PTPRD: variants seen among roughly 807,000 people sequenced by gnomAD.
The protein encoded by PTPRD is protein tyrosine phosphatase receptor type D.
PTPRD carries 34 observed loss-of-function variants against 214.5 expected under a neutral mutation model. The ratio of observed to expected loss-of-function variants is 0.16; its 90% CI spans 0.12 to 0.21. The LOEUF is 0.21. PTPRD is among the 10% of genes least tolerant of loss of function. PTPRD has a pLI of 1.00. For synonymous variants in PTPRD, 1,128 were observed against 845.7 expected, an observed-to-expected ratio of 1.33 and a Z score of -5.79; for missense variants, 2,545 against 2,398.7, an observed-to-expected ratio of 1.06 and a Z score of -1.27.
intron 9 of PTPRD, among the ~76,000 whole-genome samples, chr9:9,230,965 A>C (rs1569564898): frequency 6.6e-6 from 1 of 152,136 alleles, no homozygotes. Context: ...GAATACTTCA[A>C]ATAGCCAATC....
chr9:9,126,044 G>A (rs1032019214), intron 10 of PTPRD, among the ~76,000 whole-genome samples: 14 of 152,150 alleles, frequency 9.2e-5, no homozygotes, highest in African/African-American at 3.4e-4. Flanking sequence ...TGCCAACCAG[G>A]GAAGAATAGT....
chr9:9,821,143 T>C (rs1332840462), intron 5 of PTPRD, among the ~76,000 whole-genome samples: 1 of 152,164 alleles, frequency 6.6e-6, no homozygotes, highest in African/African-American at 2.4e-5. Context: ...ATCTATGTTT[T>C]CTGTTAAGTA....
At chr9:9,461,253 T>C (rs1454260847) in intron 8 of PTPRD, among the ~76,000 whole-genome samples, 1 of 151,994 alleles carries the variant, frequency 6.6e-6, no homozygotes, top group Non-Finnish European at 1.5e-5. Flanking sequence ...ATATGTTCAC[T>C]AGAAGCCCAA....
rs1200768525 is a variant in PTPRD, at chr9:9,634,939, C to T, written c.-286-60158G>A. Among the ~76,000 whole-genome samples the T allele has an allele frequency of 3.9e-5, 6 of 152,128 alleles. No homozygotes were observed. The South Asian group carries it at 1.2e-3, about 32-fold the overall frequency. On this transcript the variant is annotated intron_variant, in intron 7 of 45. Transcript: ENST00000381196. ...AGAGAGGTAAGTCATATGTGTAAAG[C>T]TGTAGGAGGCAAAGAAAAGATTTAA...
At chr9:10,430,806 G>A (rs1298242706) in intron 2 of PTPRD, among the ~76,000 whole-genome samples, 6 of 151,878 alleles carry the variant, frequency 4.0e-5, no homozygotes, top group African/African-American at 1.5e-4. Context: ...GGAGGCAATA[G>A]ACCTGTCTTC....
At chr9:9,973,188 C>G (rs1429488033) in intron 4 of PTPRD, among the ~76,000 whole-genome samples, 1 of 151,438 alleles carries the variant, frequency 6.6e-6, no homozygotes, top group Non-Finnish European at 1.5e-5. Flanking sequence ...TGTGGCTGGG[C>G]GCAGTGGCTC....
chr9:9,111,966 T>C (rs993551493), intron 10 of PTPRD, among the ~76,000 whole-genome samples: 1 of 152,012 alleles, frequency 6.6e-6, no homozygotes, highest in African/African-American at 2.4e-5. Context: ...GGTGCAAAAA[T>C]GGGGGTCCAG....
chr9:9,289,416 C>A (rs776003087), intron 9 of PTPRD, among the ~76,000 whole-genome samples: 1 of 151,862 alleles, frequency 6.6e-6, no homozygotes, highest in Non-Finnish European at 1.5e-5. Flanking sequence ...TATACTTAGA[C>A]ATTCTGTCAT....
chr9:10,412,202 A>T (rs1303354919), intron 2 of PTPRD, among the ~76,000 whole-genome samples: 1 of 151,810 alleles, frequency 6.6e-6, no homozygotes, highest in South Asian at 2.1e-4. Flanking sequence ...AGAAGATCCA[A>T]ATAACATAAT....
intron 10 of PTPRD, among the ~76,000 whole-genome samples, chr9:9,032,703 G>C (rs1208593542): frequency 1.3e-5 from 2 of 152,046 alleles, no homozygotes; most frequent in African/African-American, 4.8e-5. Flanking sequence ...GTTCAGACAA[G>C]GTTTGCATCC....
intron 14 of PTPRD, among the ~76,000 whole-genome samples, chr9:8,585,415 T>A (rs1487929824): frequency 6.6e-6 from 1 of 152,212 alleles, no homozygotes; most frequent in East Asian, 1.9e-4. Flanking sequence ...AGTCACTACT[T>A]TGTTTTTAAG....
chr9:9,981,387 C>G (rs189104708), intron 4 of PTPRD, among the ~76,000 whole-genome samples: 1 of 143,490 alleles, frequency 7.0e-6, no homozygotes, highest in African/African-American at 2.5e-5. Context: ...CAGAGTCTCA[C>G]TCTGTCGCCC....
intron 3 of PTPRD, among the ~76,000 whole-genome samples, chr9:10,146,266 T>C (rs2099022374): frequency 6.6e-6 from 1 of 151,836 alleles, no homozygotes; most frequent in Non-Finnish European, 1.5e-5. Flanking sequence ...CATATATACA[T>C]ACATACATAA....
chr9:9,220,208 G>C (rs2099954919), intron 9 of PTPRD, among the ~76,000 whole-genome samples: 1 of 151,700 alleles, frequency 6.6e-6, no homozygotes, highest in African/African-American at 2.4e-5. Context: ...ATAATAAATG[G>C]ACACATTCAA....
intron 2 of PTPRD, among the ~76,000 whole-genome samples, chr9:10,524,300 C>T (rs1031359660): frequency 1.3e-5 from 2 of 151,952 alleles, no homozygotes; most frequent in African/African-American, 2.4e-5. Context: ...TCCGAGGCAG[C>T]GCAAAATGTG....
intron 11 of PTPRD, among the ~76,000 whole-genome samples, chr9:8,954,407 G>A (rs1338795519): frequency 1.3e-5 from 2 of 151,616 alleles, no homozygotes; most frequent in East Asian, 3.9e-4. Flanking sequence ...TTACTACCTG[G>A]GTTACAATTT....
intron 5 of PTPRD, among the ~76,000 whole-genome samples, chr9:9,882,081 T>G (rs554036155): frequency 3.7e-4 from 56 of 152,212 alleles, no homozygotes; most frequent in Non-Finnish European, 4.0e-4. Flanking sequence ...CTAATATATA[T>G]TAAGATTTCC....
At chr9:8,390,617 A>G (rs1564485125) in intron 36 of PTPRD, among the ~76,000 whole-genome samples, 1 of 152,220 alleles carries the variant, frequency 6.6e-6, no homozygotes. Context: ...AAAAGAGTAA[A>G]TAATTTTCCC....
chr9:9,158,095 T>C (rs1264879472), intron 10 of PTPRD, among the ~76,000 whole-genome samples: 7 of 152,154 alleles, frequency 4.6e-5, no homozygotes, highest in African/African-American at 1.4e-4. Flanking sequence ...ATATGTACCA[T>C]ATTTTCTTTA....
Sources: allele counts gnomAD v4.1 joint callset (sites outside exome capture counted in the v4.1 genomes callset), GRCh38; gene constraint gnomAD v4.1.1; transcripts MANE v1.5; gene names NCBI Gene and HGNC (gene_info 2026-07-23, HGNC 2026-07-21).